Variants in PTDSS1 observed in about 807,000 individuals in gnomAD.
The protein encoded by PTDSS1 is phosphatidylserine synthase 1.
In PTDSS1, 45 loss-of-function variants were observed where a neutral mutation model predicts 70.5. The observed-to-expected ratio is 0.64, with a 90% CI of 0.50 to 0.82. PTDSS1 has a LOEUF of 0.82. PTDSS1 is among the 40% of genes least tolerant of loss of function. PTDSS1 has a pLI of 0.00. For synonymous variants in PTDSS1, 188 were observed against 203.8 expected (o/e 0.92, Z 0.66); for missense variants, 417 against 586.1 (o/e 0.71, Z 2.98).
At chr8:96,285,803 T>C (rs1316395116) in intron 3 of PTDSS1, among the ~76,000 whole-genome samples, 1 of 152,194 alleles carries the variant, frequency 6.6e-6, no homozygotes, top group African/African-American at 2.4e-5. Flanking sequence ...TGAGAATCCC[T>C]GCACCACAGA....
chr8:96,267,376 T>C (rs375279111), intron 1 of PTDSS1, among the ~76,000 whole-genome samples: 31 of 152,302 alleles, frequency 2.0e-4, no homozygotes, highest in African/African-American at 7.5e-4. Context: ...TTTATAGCTT[T>C]CGGGACTGTT....
rs760082933 is a variant in PTDSS1, at chr8:96,262,109, G to T, written c.69G>T (p.Met23Ile). The T allele has an allele frequency of 6.2e-7, 1 of 1,613,934 alleles. No individual in the cohort carries two copies. Among genetic ancestry groups the T allele is most frequent in the Non-Finnish European group, 8.5e-7 (1 of 1,179,830 alleles). Residue 23 changes from methionine to isoleucine, a missense_variant, in exon 1 of 13, where the codon ATG becomes ATT. Coordinates refer to ENST00000517309, the MANE Select transcript of PTDSS1 (RefSeq NM_014754.3). This position sits in a 1 kb window ranked among gnomAD's most constrained non-coding sequence, Gnocchi z 4.4. ...DDVNYKMHFR[M>I]INEQQVEDIT... Reference sequence around the variant, plus strand: ...TGAACTACAAAATGCATTTCCGGATGATCAACGAGCAGCAAGTGGAGGACA... The same window carrying T: ...TGAACTACAAAATGCATTTCCGGATTATCAACGAGCAGCAAGTGGAGGACA...
chr8:96,279,767 C>T (rs1005765168), intron 2 of PTDSS1, among the ~76,000 whole-genome samples: 1 of 151,750 alleles, frequency 6.6e-6, no homozygotes, highest in African/African-American at 2.4e-5. Flanking sequence ...TGTAGTGAGC[C>T]GAGATTGCGC....
At chr8:96,307,995 T>G (rs968051947) in intron 8 of PTDSS1, among the ~76,000 whole-genome samples, 1 of 152,206 alleles carries the variant, frequency 6.6e-6, no homozygotes, top group African/African-American at 2.4e-5. Context: ...TTACACTGTT[T>G]GAGGCAGTTC....
chr8:96,262,278 A>AGGGGGGGGGGGGG lies in PTDSS1; in HGVS notation c.179+62_179+63insGGGGGGGGGGGGG. 7.4e-6 allele frequency: 2 copies of AGGGGGGGGGGGGG among 269,020 alleles called. No individual in the cohort carries two copies. The highest frequency in any genetic ancestry group is 9.2e-5 in the Admixed American group (2 of 21,644). The allele number at this position is 269,020 out of a possible 1,614,324, so 16.7% of individuals were successfully genotyped here. A position where few individuals can be genotyped will look rare whatever the true frequency, so the allele number is the denominator to read the frequency against. On this transcript the variant is annotated intron_variant, in intron 1 of 12. Transcript: ENST00000517309. This position sits in a 1 kb window ranked among gnomAD's most constrained non-coding sequence, Gnocchi z 4.4. ...AAGGGCTAGGGAAGAGGCGGGAGGG[A>AGGGGGGGGGGGGG]GGGTGGCGGGGAGGGGGGCCCGGCA... is the stretch of plus-strand genomic sequence containing the variant.
intron 2 of PTDSS1, among the ~76,000 whole-genome samples, chr8:96,283,414 A>G (rs544651957): frequency 1.3e-5 from 2 of 152,254 alleles, no homozygotes; most frequent in South Asian, 4.1e-4. Flanking sequence ...TGCTTTTTTA[A>G]TGAAAAAAGA....
At chr8:96,295,392 A>G in intron 5 of PTDSS1, 136 bp downstream of exon 5, 1 of 949,816 alleles carries the variant, frequency 1.1e-6, no homozygotes, top group Non-Finnish European at 1.4e-6. Context: ...AAACCATCCC[A>G]TAAGAATATT....
intron 2 of PTDSS1, among the ~76,000 whole-genome samples, chr8:96,278,415 G>A (rs1377768580): frequency 6.6e-6 from 1 of 152,110 alleles, no homozygotes; most frequent in Non-Finnish European, 1.5e-5. Flanking sequence ...CAGGGTGAGT[G>A]GTAGGATTAG....
intron 5 of PTDSS1, among the ~76,000 whole-genome samples, chr8:96,298,340 A>G (rs191399957): frequency 5.9e-5 from 9 of 152,334 alleles, no homozygotes; most frequent in East Asian, 3.9e-4. Flanking sequence ...AGTATTTATT[A>G]TATTACTTCA....
Position 96,295,318 on chromosome 8 carries a change from A to G in PTDSS1, c.600+62A>G, listed in dbSNP as rs1445199886. 3 of 1,478,200 alleles carry G rather than the reference A, an allele frequency of 2.0e-6. No individual in the cohort carries two copies. The African/African-American group carries it at 4.2e-5, about 21-fold the overall frequency. The allele number at this position is 1,478,200 out of a possible 1,614,324, so 91.6% of individuals were successfully genotyped here. On this transcript the variant is annotated intron_variant, in intron 5 of 12. Coordinates refer to ENST00000517309, the MANE Select transcript of PTDSS1 (RefSeq NM_014754.3). ...CCATGTGTGTAGTTTATATATAGGA[A>G]AAAGTATGTCAGTTAACAGTCAGTT...
chr8:96,274,124 C>T (rs957032847), intron 2 of PTDSS1, among the ~76,000 whole-genome samples: 3 of 152,066 alleles, frequency 2.0e-5, no homozygotes, highest in South Asian at 2.1e-4. Context: ...CACTTCTAAA[C>T]GCTCACTCTT....
intron 8 of PTDSS1, among the ~76,000 whole-genome samples, chr8:96,307,360 C>T (rs971320930): frequency 1.3e-5 from 2 of 148,244 alleles, no homozygotes; most frequent in African/African-American, 2.5e-5. Context: ...CCATAAGCAG[C>T]GGGCCTCACT....
Position 96,262,165 on chromosome 8 carries a change from C to A in PTDSS1, c.125C>A (p.Thr42Asn). The A allele has an allele frequency of 6.2e-7, 1 of 1,613,948 alleles. No homozygotes were observed. Among genetic ancestry groups the A allele is most frequent in the Non-Finnish European group, 8.5e-7 (1 of 1,179,834 alleles). The change falls in exon 1 of 13, where the codon ACC becomes AAC. Residue 42 changes from threonine to asparagine, a missense_variant. Transcript: ENST00000517309. The surrounding 1 kb of genome is among the most constrained non-coding windows in gnomAD (Gnocchi z 4.4). Reference protein sequence around the residue: ...ITIDFFYRPHTITLLSFTIVS... With the variant: ...ITIDFFYRPHNITLLSFTIVS... ...ATTGACTTCTTCTACCGGCCGCATA[C>A]CATCACCCTGCTCAGCTTCACCATC... is the stretch of plus-strand genomic sequence containing the variant.
At chr8:96,328,347 C>T (rs902937021) in intron 10 of PTDSS1, among the ~76,000 whole-genome samples, 3 of 152,178 alleles carry the variant, frequency 2.0e-5, no homozygotes, top group Non-Finnish European at 4.4e-5. Context: ...CAAATCATTT[C>T]TAGTCCTTCC....
intron 5 of PTDSS1, among the ~76,000 whole-genome samples, chr8:96,298,788 T>A (rs1263251266): frequency 6.6e-6 from 1 of 152,138 alleles, no homozygotes; most frequent in East Asian, 1.9e-4. Context: ...AAACATCTGA[T>A]CCCAGCACTT....
At chr8:96,296,413 C>T (rs1810977196) in intron 5 of PTDSS1, among the ~76,000 whole-genome samples, 1 of 152,150 alleles carries the variant, frequency 6.6e-6, no homozygotes, top group Non-Finnish European at 1.5e-5. Flanking sequence ...GCTGGGATTA[C>T]AGGCGTGAGC....
At position 96,333,328 on chromosome 8, in the gene PTDSS1, G is replaced by T; in HGVS notation, c.1313-129G>T. ...GAGAGCCTCGCCTTCATTTATGAATGAGGCCACTAGGGGGAGTGCACGTAT... is the reference window on the plus strand; with the variant it reads ...GAGAGCCTCGCCTTCATTTATGAATTAGGCCACTAGGGGGAGTGCACGTAT... On this transcript the variant is annotated intron_variant, in intron 12 of 12. Transcript: ENST00000517309. 3 of 762,284 alleles carry T rather than the reference G, an allele frequency of 3.9e-6. No individual in the cohort carries two copies. In the South Asian group the frequency reaches 4.8e-5, roughly 12 times the overall value. The allele number at this position is 762,284 out of a possible 1,614,324, so 47.2% of individuals were successfully genotyped here.
At chr8:96,271,293 T>C (rs1041202015) in intron 1 of PTDSS1, among the ~76,000 whole-genome samples, 1 of 152,252 alleles carries the variant, frequency 6.6e-6, no homozygotes, top group African/African-American at 2.4e-5. Context: ...TAGTTGCTTA[T>C]TATACCTACT....
At chr8:96,295,289 T>C in intron 5 of PTDSS1, 33 bp downstream of exon 5, 2 of 1,588,674 alleles carry the variant, frequency 1.3e-6, no homozygotes, top group Non-Finnish European at 1.7e-6. Context: ...TTCCCCAGAC[T>C]GTGCCATGTG....
Sources: allele counts gnomAD v4.1 joint callset (sites outside exome capture counted in the v4.1 genomes callset), GRCh38; gene constraint gnomAD v4.1.1; non-coding constraint Gnocchi (gnomAD v3.1); transcripts MANE v1.5; gene names NCBI Gene and HGNC (gene_info 2026-07-23, HGNC 2026-07-21).